Variants in GGACT observed in about 807,000 individuals in gnomAD.
GGACT encodes the protein gamma-glutamylaminecyclotransferase.
For missense variants in GGACT, 241 were observed against 233.2 expected (o/e 1.03, Z -0.22); for synonymous variants, 118 against 115.3 (o/e 1.02, Z -0.15).
intron 2 of GGACT, among the ~76,000 whole-genome samples, chr13:100,557,826 G>A (rs2088722621): frequency 6.6e-6 from 1 of 152,112 alleles, no homozygotes; most frequent in Non-Finnish European, 1.5e-5. Flanking sequence ...ATAAAGGACT[G>A]TTATCCAGAA....
intron 2 of GGACT, among the ~76,000 whole-genome samples, chr13:100,579,755 G>C (rs1875358384): frequency 1.3e-5 from 2 of 152,148 alleles, no homozygotes; most frequent in African/African-American, 4.8e-5. Context: ...GCAAAATCTG[G>C]AGAGTTCACC....
chr13:100,569,631 G>C (rs1275414826), intron 2 of GGACT, among the ~76,000 whole-genome samples: 1 of 152,212 alleles, frequency 6.6e-6, no homozygotes, highest in Non-Finnish European at 1.5e-5. Flanking sequence ...AGACATTTTC[G>C]CCACTGTCTT....
intron 2 of GGACT, among the ~76,000 whole-genome samples, chr13:100,556,649 A>G (rs1201204733): frequency 1.3e-5 from 2 of 152,150 alleles, no homozygotes; most frequent in African/African-American, 4.8e-5. Flanking sequence ...AAGGTAACTT[A>G]AAGAGTGTAA....
At chr13:100,575,046 AG>A (rs1403411759) in intron 2 of GGACT, among the ~76,000 whole-genome samples, 3 of 152,210 alleles carry the variant, frequency 2.0e-5, no homozygotes, top group African/African-American at 7.2e-5. Context: ...TATATTAGAA[AG>A]GAAGGTCTGC....
At chr13:100,565,776 G>A (rs1156229907) in intron 2 of GGACT, among the ~76,000 whole-genome samples, 2 of 152,174 alleles carry the variant, frequency 1.3e-5, no homozygotes, top group South Asian at 2.1e-4. Context: ...CTTCTGTGTG[G>A]CAAGCAGACT....
At chr13:100,542,055 C>T (rs117737539) in intron 2 of GGACT, among the ~76,000 whole-genome samples, 1,622 of 152,158 alleles carry the variant, frequency 0.011, 13 homozygotes, top group Admixed American at 0.019. Context: ...AAACTTGTCC[C>T]CATGGGGACT....
At chr13:100,544,211 C>T (rs2088582922) in intron 2 of GGACT, among the ~76,000 whole-genome samples, 1 of 152,236 alleles carries the variant, frequency 6.6e-6, no homozygotes, top group African/African-American at 2.4e-5. Flanking sequence ...CGCCGAGTGT[C>T]TGATATAGTT....
At chr13:100,584,339 C>A (rs950735203) in intron 1 of GGACT, among the ~76,000 whole-genome samples, 2 of 152,096 alleles carry the variant, frequency 1.3e-5, no homozygotes, top group Non-Finnish European at 1.5e-5. Flanking sequence ...ATGGTGCAGC[C>A]GGAGGTCGTT....
At chr13:100,568,247 A>C (rs542651553) in intron 2 of GGACT, among the ~76,000 whole-genome samples, 2 of 152,388 alleles carry the variant, frequency 1.3e-5, no homozygotes, top group South Asian at 4.1e-4. Context: ...ACCTTGTATT[A>C]GTCTGTTCTC....
rs567497542 is a variant in GGACT, at chr13:100,585,496, G to A, written c.-183-1499C>T. Among the ~76,000 whole-genome samples, 9 of 152,194 alleles carry A rather than the reference G, an allele frequency of 5.9e-5. No homozygotes were observed. The East Asian group carries it at 1.7e-3, about 29-fold the overall frequency. ...ATTGAAAGGGGCAACAGCTGAGCAC[G>A]GTGGCTCACGGCTGTAATCGCAGCA... On this transcript the variant is annotated intron_variant, in intron 1 of 2. Coordinates refer to ENST00000683975, the MANE Select transcript of GGACT (RefSeq NM_001195087.2).
intron 2 of GGACT, among the ~76,000 whole-genome samples, chr13:100,535,326 T>C (rs1283076859): frequency 6.6e-6 from 1 of 152,228 alleles, no homozygotes; most frequent in East Asian, 1.9e-4. Flanking sequence ...AGCATTTATC[T>C]CCATATTGTT....
In GGACT at chr13:100,534,695, A is replaced by G. The variant is rs546107096; in HGVS notation, c.-10-2094T>C. Among the ~76,000 whole-genome samples the G allele has an allele frequency of 2.5e-4, 38 of 152,054 alleles. 1 individual carries two copies. The South Asian group carries it at 7.9e-3, about 32-fold the overall frequency. On this transcript the variant is annotated intron_variant, in intron 2 of 2. Transcript: ENST00000683975. This position sits in a 1 kb window ranked among gnomAD's most constrained non-coding sequence, Gnocchi z 4.9. ...TCCCCACACCTGCATCCCAGCCCCC[A>G]GCGAGACCCATCAGCACTTCCCCTG...
rs978382497 is a variant in GGACT at position 100,545,185 on chromosome 13, C to T, written c.-10-12584G>A. ...CTACCTGTGGCTCACGGGGGATCAA[C>T]GCCACCCCCAAGGGAGAGCCCTGAC... On this transcript the variant is annotated intron_variant, in intron 2 of 2. Coordinates refer to ENST00000683975, the MANE Select transcript of GGACT (RefSeq NM_001195087.2). This position sits in a 1 kb window ranked among gnomAD's most constrained non-coding sequence, Gnocchi z 4.4. Among the ~76,000 whole-genome samples, 3 of 152,244 alleles carry T rather than the reference C, an allele frequency of 2.0e-5. No individual in the cohort carries two copies. Among genetic ancestry groups the T allele is most frequent in the African/African-American group, 2.4e-5 (1 of 41,462 alleles).
chr13:100,552,527 G>T (rs1240337291), intron 2 of GGACT, among the ~76,000 whole-genome samples: 1 of 152,188 alleles, frequency 6.6e-6, no homozygotes, highest in Non-Finnish European at 1.5e-5. Context: ...GACCTGTCGT[G>T]AGCCTTGTTA....
intron 1 of GGACT, among the ~76,000 whole-genome samples, chr13:100,588,226 G>C (rs1246362034): frequency 3.9e-5 from 6 of 152,204 alleles, no homozygotes; most frequent in South Asian, 4.1e-4. Context: ...CAAAATTTCA[G>C]AAGTTTCACT....
chr13:100,567,072 C>T (rs545114963), intron 2 of GGACT, among the ~76,000 whole-genome samples: 16 of 152,278 alleles, frequency 1.1e-4, no homozygotes, highest in South Asian at 2.1e-4. Context: ...GGAATCTTTC[C>T]GAAATGATGC....
At chr13:100,561,074 G>A (rs2088755309) in intron 2 of GGACT, among the ~76,000 whole-genome samples, 2 of 152,280 alleles carry the variant, frequency 1.3e-5, no homozygotes, top group South Asian at 4.1e-4. Flanking sequence ...TACATTCATG[G>A]TGAAGCTTGT....
rs560384204 is a variant in GGACT, at chr13:100,534,904, C to A, written c.-10-2303G>T. ...CTCATCCAGGTGGCTCCTGCCCCGA[C>A]CAGCGCCTGACCTGGAGGGTGCAGG... On this transcript the variant is annotated intron_variant, in intron 2 of 2. Coordinates refer to ENST00000683975, the MANE Select transcript of GGACT (RefSeq NM_001195087.2). This position sits in a 1 kb window ranked among gnomAD's most constrained non-coding sequence, Gnocchi z 4.9. 6.6e-6 allele frequency among the ~76,000 whole-genome samples: 1 copy of A among 152,352 alleles called. No homozygotes were observed. Among genetic ancestry groups the A allele is most frequent in the East Asian group, 1.9e-4 (1 of 5,184 alleles).
intron 2 of GGACT, among the ~76,000 whole-genome samples, chr13:100,567,656 C>A (rs959768221): frequency 6.6e-6 from 1 of 152,230 alleles, no homozygotes; most frequent in African/African-American, 2.4e-5. Context: ...TAAACATACA[C>A]ACACGCACAC....
Sources: allele counts gnomAD v4.1 joint callset (sites outside exome capture counted in the v4.1 genomes callset), GRCh38; gene constraint gnomAD v4.1.1; non-coding constraint Gnocchi (gnomAD v3.1); transcripts MANE v1.5; gene names NCBI Gene and HGNC (gene_info 2026-07-23, HGNC 2026-07-21).